The following UGT1A10 variants were observed in gnomAD, a reference collection of about 807,000 sequenced individuals.
UGT1A10 encodes UDP glucuronosyltransferase family 1 member A10, also known as UDP-glucuronosyltransferase 1A10.
UGT1A10 carries 49 observed loss-of-function variants against 45.8 expected under a neutral mutation model. The observed-to-expected ratio is 1.07, with a 90% CI of 0.85 to 1.36. The LOEUF is 1.36. Among genes scored for constraint, UGT1A10 ranks in the 40% most tolerant of loss-of-function variants. UGT1A10 has a pLI of 0.00. For synonymous variants in UGT1A10, 284 were observed against 249.7 expected, an observed-to-expected ratio of 1.14 and a Z score of -1.29; for missense variants, 745 against 668.6, an observed-to-expected ratio of 1.11 and a Z score of -1.26.
chr2:233,692,092 A>G (rs867976359), intron 1 of UGT1A10: 2 of 152,168 alleles, frequency 1.3e-5, no homozygotes, highest in East Asian at 1.9e-4. Context: ...GATTGATTTG[A>G]TCACCGATGG....
intron 1 of UGT1A10, among the ~76,000 whole-genome samples, chr2:233,652,014 G>C (rs148012177): frequency 0.022 from 3,359 of 152,214 alleles, 115 homozygotes; most frequent in African/African-American, 0.077. Flanking sequence ...AGGAATCACT[G>C]CCAGGCTTTT....
intron 1 of UGT1A10, chr2:233,760,636 A>G (rs1559407230): frequency 6.2e-7 from 1 of 1,614,144 alleles, no homozygotes; most frequent in South Asian, 1.1e-5. Context: ...CAAGAAAATA[A>G]AAAAGGACTC....
chr2:233,772,866 T>C lies in UGT1A10; in HGVS notation c.*307T>C. ...TTTTCTTACTCTGAAACATGGCCTGTTTGGGAGTGCGGGATTCAAAGGTGG... is the reference window on the plus strand; with the variant it reads ...TTTTCTTACTCTGAAACATGGCCTGCTTGGGAGTGCGGGATTCAAAGGTGG... On this transcript the variant is annotated 3_prime_UTR_variant, in exon 5 of 5. Transcript: ENST00000344644. 1 of 650,978 alleles carries C rather than the reference T, an allele frequency of 1.5e-6. No homozygotes were observed. The highest frequency in any genetic ancestry group is 2.3e-6 in the Non-Finnish European group (1 of 438,192). 40.3% of individuals were successfully genotyped at this position (650,978 alleles called of 1,614,324 possible). A position where few individuals can be genotyped will look rare whatever the true frequency, so the allele number is the denominator to read the frequency against.
chr2:233,643,385 G>A (rs955728526), intron 1 of UGT1A10, among the ~76,000 whole-genome samples: 1 of 151,922 alleles, frequency 6.6e-6, no homozygotes, highest in African/African-American at 2.4e-5. Flanking sequence ...TTCCCTTAAG[G>A]CCCAAGGTCT....
chr2:233,652,458 C>G (rs934294453), intron 1 of UGT1A10, among the ~76,000 whole-genome samples: 1 of 152,090 alleles, frequency 6.6e-6, no homozygotes, highest in Non-Finnish European at 1.5e-5. Context: ...AGATATCATT[C>G]TATCCCCAAA....
At chr2:233,702,391 T>C (rs2075684338) in intron 1 of UGT1A10, among the ~76,000 whole-genome samples, 1 of 152,202 alleles carries the variant, frequency 6.6e-6, no homozygotes, top group South Asian at 2.1e-4. Context: ...ACATTCCAGA[T>C]CATGTTATCT....
chr2:233,757,560 A>ATGTG (rs199649558), intron 1 of UGT1A10, among the ~76,000 whole-genome samples: 1 of 123,156 alleles, frequency 8.1e-6, no homozygotes, highest in African/African-American at 3.4e-5. Context: ...ATATATATAT[A>ATGTG]TGTATATATG....
chr2:233,743,455 A>G (rs781319015), intron 1 of UGT1A10: 2 of 1,366,026 alleles, frequency 1.5e-6, no homozygotes, highest in Non-Finnish European at 9.8e-7. Flanking sequence ...AAAAGAAGAA[A>G]AAACACCCCC....
chr2:233,738,962 C>A (rs2125819813), intron 1 of UGT1A10: 1 of 152,334 alleles, frequency 6.6e-6, no homozygotes, highest in Admixed American at 6.5e-5. Flanking sequence ...GGGTCCAGGC[C>A]CCCACTGCTG....
chr2:233,705,148 A>AG (rs1553608078), intron 1 of UGT1A10, among the ~76,000 whole-genome samples: 17 of 150,992 alleles, frequency 1.1e-4, no homozygotes, highest in Non-Finnish European at 1.8e-4. Context: ...AAAAAAAAAA[A>AG]AGAGAGAGAG....
At chr2:233,715,117 C>G (rs761696686) in intron 1 of UGT1A10, among the ~76,000 whole-genome samples, 1 of 152,142 alleles carries the variant, frequency 6.6e-6, no homozygotes, top group Non-Finnish European at 1.5e-5. Flanking sequence ...AATGCCTGAT[C>G]TCAAGTGATT....
At chr2:233,656,491 T>C (rs1291657608) in intron 1 of UGT1A10, among the ~76,000 whole-genome samples, 4 of 152,220 alleles carry the variant, frequency 2.6e-5, no homozygotes, top group Non-Finnish European at 5.9e-5. Flanking sequence ...CTGTGCTTAT[T>C]TAGCTGCTAG....
In UGT1A10 at chr2:233,672,430, G is replaced by A. The variant is rs766064889; in HGVS notation, c.855+35053G>A. On this transcript the variant is annotated intron_variant, in intron 1 of 4. Transcript: ENST00000344644. The stretch of plus-strand genomic sequence containing the variant: ...TGCCAAATATTTCTCCCTCCCCTCC[G>A]TGGTCTTCGCCAGGGGAATACTTTG... The A allele has an allele frequency of 1.7e-5, 28 of 1,613,842 alleles. No homozygotes were observed. In the East Asian group the frequency reaches 3.6e-4, roughly 21 times the overall value.
At position 233,747,373 on chromosome 2, in the gene UGT1A10, G is replaced by A. The variant is rs565595947; in HGVS notation, c.856-19661G>A. 4.2e-4 allele frequency: 670 copies of A among 1,604,600 alleles called. 2 individuals are homozygous for A. The highest frequency in any genetic ancestry group is 5.4e-4 in the Non-Finnish European group (630 of 1,172,902). ...GAGGCCGTGCGGGAGCTCCATGCCAGAGGCCACCAGGCGGTGGTCCTCACC... is the reference window on the plus strand; with the variant it reads ...GAGGCCGTGCGGGAGCTCCATGCCAAAGGCCACCAGGCGGTGGTCCTCACC... On this transcript the variant is annotated intron_variant, in intron 1 of 4. Coordinates refer to ENST00000344644, the MANE Select transcript of UGT1A10 (RefSeq NM_019075.4).
chr2:233,746,538 T>G (rs575149330), intron 1 of UGT1A10, among the ~76,000 whole-genome samples: 26 of 151,796 alleles, frequency 1.7e-4, no homozygotes, highest in Non-Finnish European at 3.5e-4. Flanking sequence ...GCTGCCCTGC[T>G]GTGTGACTTC....
At chr2:233,750,254 C>A (rs1056169582) in intron 1 of UGT1A10, among the ~76,000 whole-genome samples, 6 of 152,046 alleles carry the variant, frequency 3.9e-5, no homozygotes, top group African/African-American at 1.5e-4. Flanking sequence ...ACAAAGGTCA[C>A]CCTTGCTATG....
At chr2:233,657,105 C>T (rs992481223) in intron 1 of UGT1A10, among the ~76,000 whole-genome samples, 3 of 152,144 alleles carry the variant, frequency 2.0e-5, no homozygotes, top group African/African-American at 7.2e-5. Context: ...CAACACAATA[C>T]ACCGTCTCTT....
chr2:233,730,079 T>A, intron 1 of UGT1A10: 1 of 1,605,320 alleles, frequency 6.2e-7, no homozygotes, highest in African/African-American at 1.3e-5. Context: ...CTTCCATATT[T>A]ACTTATCTTT....
intron 1 of UGT1A10, among the ~76,000 whole-genome samples, chr2:233,645,019 G>A (rs893941547): frequency 1.3e-5 from 2 of 152,120 alleles, no homozygotes; most frequent in African/African-American, 4.8e-5. Context: ...TATTGGGTTT[G>A]GGAGCAGGTA....
Sources: allele counts gnomAD v4.1 joint callset (sites outside exome capture counted in the v4.1 genomes callset), GRCh38; gene constraint gnomAD v4.1.1; transcripts MANE v1.5; gene names NCBI Gene and HGNC (gene_info 2026-07-23, HGNC 2026-07-21).